The following DCDC1 variants were observed in gnomAD, a reference collection of about 807,000 sequenced individuals.
DCDC1 encodes the protein doublecortin domain containing 1.
DCDC1 carries 200 observed loss-of-function variants against 178.3 expected under a neutral mutation model. That is an observed-to-expected ratio of 1.12 (90% CI 1.00 to 1.26). DCDC1 has a LOEUF of 1.26. Among genes scored for constraint, DCDC1 ranks in the 50% most tolerant of loss-of-function variants. The pLI, the probability that DCDC1 is intolerant of heterozygous loss-of-function variation, is 0.00. For missense variants in DCDC1, 1,983 were observed against 1,749.2 expected (o/e 1.13, Z -2.38); for synonymous variants, 690 against 604.8 (o/e 1.14, Z -2.07).
intron 18 of DCDC1, among the ~76,000 whole-genome samples, chr11:31,073,544 C>G (rs1956694280): frequency 6.6e-6 from 1 of 152,194 alleles, no homozygotes; most frequent in Non-Finnish European, 1.5e-5. Context: ...ACAAGCCAAA[C>G]AGCTGGAGAG....
At chr11:31,092,820 T>A (rs1278177793) in intron 16 of DCDC1, among the ~76,000 whole-genome samples, 1 of 152,202 alleles carries the variant, frequency 6.6e-6, no homozygotes, top group Non-Finnish European at 1.5e-5. Context: ...GTCATATAGT[T>A]ATTCAGTGGC....
At chr11:30,992,647 TA>T (rs1951053457) in intron 20 of DCDC1, 3 of 152,114 alleles carry the variant, frequency 2.0e-5, no homozygotes, top group African/African-American at 7.2e-5. Context: ...ACTGTAAAGA[TA>T]CATGGAGAGG....
In DCDC1 at chr11:30,993,039, T is replaced by C. The variant is rs900845168; in HGVS notation, c.2592-40471A>G. Among the ~76,000 whole-genome samples the C allele has an allele frequency of 2.6e-5, 4 of 152,128 alleles. No homozygotes were observed. In the East Asian group the frequency reaches 7.7e-4, roughly 29 times the overall value. On this transcript the variant is annotated intron_variant, in intron 20 of 38. Transcript: ENST00000684477. ...TAGGCTTAACTTTCCTAAATTTTAA[T>C]ATTTACTTAATTTAAAAAAGTAAAA...
At chr11:31,206,896 C>G (rs2136482733) in intron 9 of DCDC1, among the ~76,000 whole-genome samples, 1 of 152,230 alleles carries the variant, frequency 6.6e-6, no homozygotes, top group Admixed American at 6.5e-5. Flanking sequence ...TATGAGAAAT[C>G]ACAGGTAATT....
At chr11:31,286,017 C>T (rs886885076) in intron 7 of DCDC1, among the ~76,000 whole-genome samples, 5 of 152,006 alleles carry the variant, frequency 3.3e-5, no homozygotes, top group Admixed American at 1.3e-4. Context: ...ATGAGAAGTA[C>T]AGGAGAACAA....
intron 7 of DCDC1, among the ~76,000 whole-genome samples, chr11:31,284,574 A>T (rs1946681291): frequency 6.6e-6 from 1 of 152,108 alleles, no homozygotes; most frequent in Non-Finnish European, 1.5e-5. Context: ...TACATATAAA[A>T]ACTATAAAAT....
chr11:31,097,529 T>G (rs1958237504), intron 15 of DCDC1, among the ~76,000 whole-genome samples: 1 of 152,238 alleles, frequency 6.6e-6, no homozygotes, highest in Non-Finnish European at 1.5e-5. Context: ...TAATTTCTGT[T>G]CTCTCTTATT....
chr11:31,269,234 G>C (rs1260728486), intron 7 of DCDC1, among the ~76,000 whole-genome samples: 2 of 152,098 alleles, frequency 1.3e-5, no homozygotes, highest in African/African-American at 2.4e-5. Flanking sequence ...GCTTCTACTT[G>C]TAAGGTCATT....
intron 9 of DCDC1, among the ~76,000 whole-genome samples, chr11:31,180,540 A>C (rs208111): frequency 0.72 from 109,255 of 151,952 alleles, 40,841 homozygotes; most frequent in East Asian, 0.96. Context: ...GTGGGAGCAG[A>C]CCATGGAGGG....
chr11:31,065,923 C>T lies in DCDC1; in HGVS notation c.2299-770G>A, dbSNP rs184844453. Among the ~76,000 whole-genome samples, 179 of 152,188 alleles carry T rather than the reference C, an allele frequency of 1.2e-3. 1 individual carries two copies. The highest frequency in any genetic ancestry group is 3.7e-3 in the African/African-American group (152 of 41,538). Reference sequence around the variant, plus strand: ...GGAACAAGTGTGTGTCATTGTCCCACGCATCTTTTATTTGTTGGGCTCCCC... The same window carrying T: ...GGAACAAGTGTGTGTCATTGTCCCATGCATCTTTTATTTGTTGGGCTCCCC... On this transcript the variant is annotated intron_variant, in intron 18 of 38. Coordinates refer to ENST00000684477, the MANE Select transcript of DCDC1 (RefSeq NM_001387274.1).
intron 17 of DCDC1, among the ~76,000 whole-genome samples, chr11:31,088,650 T>C (rs904188664): frequency 1.3e-5 from 2 of 152,188 alleles, no homozygotes; most frequent in African/African-American, 4.8e-5. Context: ...ATATTATTAT[T>C]ATCACTATTG....
In DCDC1 at chr11:30,894,314, A is replaced by G; in HGVS notation, c.4836T>C (p.Val1612=). The part of the protein sequence containing the change: ...PTKSPVQPVV[V]EGGWTEQTQQ... ...GAGTCTGTTCGGTCCAGCCTCCTTC[A>G]ACCACCACGGGCTGCACAGGGCTCT... Residue 1612 remains valine (V), a synonymous_variant, in exon 35 of 39, where the codon GTT becomes GTC. Coordinates refer to ENST00000684477, the MANE Select transcript of DCDC1 (RefSeq NM_001387274.1). 1.2e-6 allele frequency: 2 copies of G among 1,613,924 alleles called. No individual in the cohort carries two copies. Among genetic ancestry groups the G allele is most frequent in the Non-Finnish European group, 1.7e-6 (2 of 1,179,828 alleles).
At chr11:31,230,844 T>C (rs894735474) in intron 9 of DCDC1, among the ~76,000 whole-genome samples, 4 of 150,710 alleles carry the variant, frequency 2.7e-5, no homozygotes, top group Admixed American at 2.6e-4. Flanking sequence ...AAATTGGTTT[T>C]TAAAATCTAT....
chr11:30,899,570 G>T lies in DCDC1; in HGVS notation c.4736C>A (p.Thr1579Asn), dbSNP rs377445738. 24 of 1,581,964 alleles carry T rather than the reference G, an allele frequency of 1.5e-5. No individual in the cohort carries two copies. Among genetic ancestry groups the T allele is most frequent in the Middle Eastern group, 3.4e-4 (2 of 5,970 alleles). Residue 1579 changes from threonine (T) to asparagine (N), a missense_variant, in exon 34 of 39, where the codon ACC becomes AAC. Physicochemically the swap from Thr to Asn is moderately conservative, Grantham distance 65. Transcript: ENST00000684477. ...KKDRILADLD[T>N]MRHKMRQLKG... is the part of the protein sequence containing the mutation. ...TAACTGTCTCATTTTGTGTCTCATGGTATCTAGATCAGCCAAAATTCTGTC... is the reference window on the plus strand; with the variant it reads ...TAACTGTCTCATTTTGTGTCTCATGTTATCTAGATCAGCCAAAATTCTGTC...
At chr11:31,305,829 A>G (rs1252654803) in intron 5 of DCDC1, 52 bp from the exon 6 acceptor site, 14 of 1,580,500 alleles carry the variant, frequency 8.9e-6, no homozygotes, top group African/African-American at 2.7e-5. Flanking sequence ...AGAAAGTAAT[A>G]TATTTCCCTC....
chr11:30,971,390 CA>C (rs928728454), intron 20 of DCDC1, among the ~76,000 whole-genome samples: 40 of 151,628 alleles, frequency 2.6e-4, no homozygotes, highest in African/African-American at 9.2e-4. Flanking sequence ...CAGTGAGATA[CA>C]AGAAAATACA....
intron 19 of DCDC1, 94 bp downstream of exon 19, chr11:31,064,925 G>A: frequency 1.7e-6 from 1 of 597,160 alleles, no homozygotes; most frequent in Non-Finnish European, 3.0e-6. Flanking sequence ...GTGAATTTGT[G>A]CTTGCCTCCT....
At chr11:31,009,464 G>GTGTT (rs932158373) in intron 20 of DCDC1, among the ~76,000 whole-genome samples, 11 of 151,872 alleles carry the variant, frequency 7.2e-5, no homozygotes, top group Middle Eastern at 3.4e-3. Context: ...GTGTGTGTGT[G>GTGTT]TGTGTGTGTA....
chr11:31,134,159 G>C (rs1338967154), intron 10 of DCDC1, among the ~76,000 whole-genome samples: 2 of 152,196 alleles, frequency 1.3e-5, no homozygotes, highest in African/African-American at 2.4e-5. Context: ...CATGGGAGAA[G>C]GAACAATTGA....
Sources: gnomAD v4.1 joint callset for allele counts (sites outside exome capture counted in the v4.1 genomes callset) on GRCh38, gnomAD v4.1.1 for gene constraint, MANE v1.5 for transcripts, NCBI Gene and HGNC (gene_info 2026-07-23, HGNC 2026-07-21) for gene names.